Variants in AKT3 observed in about 807,000 individuals in gnomAD.
AKT3 encodes RAC-gamma serine/threonine-protein kinase.
Under a neutral mutation model 65.3 loss-of-function variants are expected in AKT3, and 15 were observed. The observed-to-expected ratio is 0.23, with a 90% CI of 0.15 to 0.35. The LOEUF is 0.35. Among genes scored for constraint, AKT3 ranks in the 10% least tolerant of loss-of-function variants. AKT3 has a pLI of 1.00. For missense variants in AKT3, 243 were observed against 576.5 expected (o/e 0.42, Z 5.92); for synonymous variants, 206 against 183.8 (o/e 1.12, Z -0.98).
At position 243,499,866 on chromosome 1, in the gene AKT3, C is replaced by A; in HGVS notation, c.*5383G>T. The A allele has an allele frequency of 7.4e-7, 1 of 1,359,334 alleles. No homozygotes were observed. The highest frequency in any genetic ancestry group is 1.0e-6 in the Non-Finnish European group (1 of 959,344). The allele number at this position is 1,359,334 out of a possible 1,614,324, so 84.2% of individuals were successfully genotyped here. ...GGTTTAGACTTAATATGCCACAACG[C>A]ACCACGACCTTCCCAGGGTGACACC... On this transcript the variant is annotated 3_prime_UTR_variant, in exon 14 of 14. Coordinates refer to ENST00000673466, the MANE Select transcript of AKT3 (RefSeq NM_005465.7).
At chr1:243,849,357 C>T (rs1695651900) in intron 1 of AKT3, among the ~76,000 whole-genome samples, 1 of 151,842 alleles carries the variant, frequency 6.6e-6, no homozygotes, top group South Asian at 2.1e-4. Flanking sequence ...AAAACACAGA[C>T]AAGCACGTTA....
At chr1:243,528,176 ATGTTTTTATCTTAAATATTAC>A (rs2148406217) in intron 12 of AKT3, among the ~76,000 whole-genome samples, 1 of 152,136 alleles carries the variant, frequency 6.6e-6, no homozygotes, top group African/African-American at 2.4e-5. Context: ...TACTATCTGT[ATGTTTTTATCTTAAATATTAC>A]TTGTTTCTAT....
upstream of AKT3, among the ~76,000 whole-genome samples, chr1:243,850,349 G>A (rs908782132): frequency 6.6e-5 from 10 of 151,402 alleles, no homozygotes; most frequent in African/African-American, 2.4e-4. Flanking sequence ...GAGGGCGGCG[G>A]CGGGGAGAGG....
rs1318884945 is a variant in AKT3, at chr1:243,740,019, G to C, written c.47-44303C>G. Among the ~76,000 whole-genome samples, 9 of 152,268 alleles carry C rather than the reference G, an allele frequency of 5.9e-5. No homozygotes were observed. The East Asian group carries it at 1.5e-3, about 26-fold the overall frequency. ...TATTTTGTAGGCACTCAAAAAATATGAATCAATCCACAGAGTAATCTTAGC... is the reference window on the plus strand; with the variant it reads ...TATTTTGTAGGCACTCAAAAAATATCAATCAATCCACAGAGTAATCTTAGC... On this transcript the variant is annotated intron_variant, in intron 2 of 13. Coordinates refer to ENST00000673466, the MANE Select transcript of AKT3 (RefSeq NM_005465.7).
At chr1:243,779,959 G>A (rs1178049900) in intron 2 of AKT3, among the ~76,000 whole-genome samples, 3 of 152,042 alleles carry the variant, frequency 2.0e-5, no homozygotes, top group Non-Finnish European at 2.9e-5. Flanking sequence ...CAGAATTCAC[G>A]AGGGAGAAAG....
intron 10 of AKT3, among the ~76,000 whole-genome samples, chr1:243,562,879 T>A (rs1673895881): frequency 6.6e-6 from 1 of 152,212 alleles, no homozygotes; most frequent in Admixed American, 6.5e-5. Flanking sequence ...TTTGCATTCC[T>A]GATTCAGAAA....
chr1:243,815,800 A>T (rs868312791), intron 2 of AKT3, among the ~76,000 whole-genome samples: 2 of 21,706 alleles, frequency 9.2e-5, no homozygotes, highest in Non-Finnish European at 3.8e-4. Context: ...TTGTTGTTGT[A>T]GAGATGAGGT....
intron 5 of AKT3, among the ~76,000 whole-genome samples, chr1:243,642,363 G>A (rs779608590): frequency 2.0e-5 from 3 of 152,226 alleles, no homozygotes; most frequent in Admixed American, 6.5e-5. Context: ...AGGCTAGAGT[G>A]CAGTGGCACG....
chr1:243,550,858 C>A (rs903181629), intron 11 of AKT3, among the ~76,000 whole-genome samples: 2 of 128,112 alleles, frequency 1.6e-5, no homozygotes, highest in East Asian at 5.2e-4. Context: ...ACTCAGGAGG[C>A]TGAGGCAGGG....
intron 13 of AKT3, among the ~76,000 whole-genome samples, chr1:243,489,590 C>T (rs1029699623): frequency 6.6e-6 from 1 of 152,176 alleles, no homozygotes; most frequent in Non-Finnish European, 1.5e-5. Flanking sequence ...GGCATCTCAT[C>T]CTAAATTAGC....
At chr1:243,734,927 G>A (rs951419292) in intron 2 of AKT3, 3 of 150,832 alleles carry the variant, frequency 2.0e-5, no homozygotes, top group African/African-American at 7.3e-5. Context: ...TAAAAACTTA[G>A]ATATAAACAT....
At chr1:243,492,448 CCCA>C (rs1159991171) in intron 13 of AKT3, among the ~76,000 whole-genome samples, 17 of 151,258 alleles carry the variant, frequency 1.1e-4, no homozygotes, top group Non-Finnish European at 1.9e-4. Flanking sequence ...ATTACAGGCA[CCCA>C]CCACCACACC....
At chr1:243,700,449 C>A (rs1235631394) in intron 2 of AKT3, among the ~76,000 whole-genome samples, 1 of 151,680 alleles carries the variant, frequency 6.6e-6, no homozygotes, top group African/African-American at 2.4e-5. Context: ...AGAAAACATC[C>A]TGAATTTCCA....
chr1:243,510,526 C>T (rs577745564), intron 13 of AKT3, among the ~76,000 whole-genome samples: 40 of 152,334 alleles, frequency 2.6e-4, no homozygotes, highest in African/African-American at 5.1e-4. Context: ...GATGGAATGA[C>T]ATGTAAGCTT....
intron 2 of AKT3, among the ~76,000 whole-genome samples, chr1:243,813,812 A>ATTG (rs1693342734): frequency 6.6e-6 from 1 of 152,214 alleles, no homozygotes; most frequent in South Asian, 2.1e-4. Flanking sequence ...AAAAATTTTA[A>ATTG]AGAGTATATG....
intron 12 of AKT3, among the ~76,000 whole-genome samples, chr1:243,526,132 A>T (rs954686340): frequency 6.6e-6 from 1 of 152,000 alleles, no homozygotes; most frequent in Non-Finnish European, 1.5e-5. Context: ...TGTTGTCTCC[A>T]AGTTCACTGC....
At chr1:243,511,517 G>T (rs904455670) in intron 13 of AKT3, among the ~76,000 whole-genome samples, 6 of 152,120 alleles carry the variant, frequency 3.9e-5, no homozygotes, top group Non-Finnish European at 8.8e-5. Context: ...TATAGGGAAG[G>T]AATCAAAAAG....
At chr1:243,742,560 G>A (rs1456935729) in intron 2 of AKT3, among the ~76,000 whole-genome samples, 1 of 152,174 alleles carries the variant, frequency 6.6e-6, no homozygotes, top group Non-Finnish European at 1.5e-5. Flanking sequence ...AGGAGGTGGA[G>A]GTTGCAGTGA....
chr1:243,620,219 G>A lies in AKT3; in HGVS notation c.562-5058C>T, dbSNP rs1003330440. Among the ~76,000 whole-genome samples, 4 of 97,706 alleles carry A rather than the reference G, an allele frequency of 4.1e-5. 1 individual carries two copies. The highest frequency in any genetic ancestry group is 8.6e-5 in the Non-Finnish European group (3 of 34,986). 64.1% of individuals were successfully genotyped at this position (97,706 alleles called of 152,430 possible). A position where few individuals can be genotyped will look rare whatever the true frequency, so the allele number is the denominator to read the frequency against. Reference sequence around the variant, plus strand: ...CTCTTCACACACTCGCCCTTTCTTCGCCTGATACCACACAAGACATGCCTC... The same window carrying A: ...CTCTTCACACACTCGCCCTTTCTTCACCTGATACCACACAAGACATGCCTC... On this transcript the variant is annotated intron_variant, in intron 6 of 13. Transcript: ENST00000673466.
Sources: gnomAD v4.1 joint callset for allele counts (sites outside exome capture counted in the v4.1 genomes callset) on GRCh38, gnomAD v4.1.1 for gene constraint, MANE v1.5 for transcripts, NCBI Gene and HGNC (gene_info 2026-07-23, HGNC 2026-07-21) for gene names.